Variants in GALNT14 observed in about 807,000 individuals in gnomAD.
The protein encoded by GALNT14 is UDP-GalNAc:polypeptide N-acetylgalactosaminyltransferase 14.
GALNT14 carries 60 observed loss-of-function variants against 77.5 expected under a neutral mutation model. That is an observed-to-expected ratio of 0.77 (90% CI 0.63 to 0.96). GALNT14 has a LOEUF of 0.96. GALNT14 is among the 40% of genes least tolerant of loss of function. GALNT14 has a pLI of 0.00. For missense variants in GALNT14, 710 were observed against 731.0 expected, an observed-to-expected ratio of 0.97 and a Z score of 0.33; for synonymous variants, 280 against 281.7, an observed-to-expected ratio of 0.99 and a Z score of 0.06.
At chr2:30,966,034 C>T (rs775072768) in intron 3 of GALNT14, among the ~76,000 whole-genome samples, 170 bp downstream of exon 3, 2 of 152,188 alleles carry the variant, frequency 1.3e-5, no homozygotes, top group Admixed American at 6.5e-5. Flanking sequence ...GCCTCCCTTA[C>T]AGGAATGTGA....
intron 1 of GALNT14, among the ~76,000 whole-genome samples, chr2:31,062,170 C>T (rs1322730811): frequency 6.6e-6 from 1 of 152,102 alleles, no homozygotes; most frequent in African/African-American, 2.4e-5. Context: ...AAGTTTTAAG[C>T]ACCGCATGCA....
At chr2:30,999,934 C>T (rs761763477) in intron 1 of GALNT14, among the ~76,000 whole-genome samples, 4 of 152,194 alleles carry the variant, frequency 2.6e-5, no homozygotes, top group Non-Finnish European at 5.9e-5. Flanking sequence ...TCCTTTCATG[C>T]TCCTCCCCAA....
At chr2:30,900,808 G>A in the GALNT14 span, among the ~76,000 whole-genome samples, 1 of 152,200 alleles carries the variant, frequency 6.6e-6, no homozygotes, top group Non-Finnish European at 1.5e-5. Context: ...ATATCGACGG[G>A]GCTGGGGCTT....
chr2:30,997,591 C>T (rs1470105130), intron 1 of GALNT14, among the ~76,000 whole-genome samples: 1 of 152,212 alleles, frequency 6.6e-6, no homozygotes, highest in East Asian at 1.9e-4. Flanking sequence ...CAAGCAAGCC[C>T]CCGCTTCACT....
chr2:31,130,781 T>TGCGC lies in GALNT14; in HGVS notation c.129+7176_129+7177insGCGC, dbSNP rs1353124199. On this transcript the variant is annotated intron_variant, in intron 1 of 14. Coordinates refer to ENST00000349752, the MANE Select transcript of GALNT14 (RefSeq NM_024572.4). ...GTGTGTGTGTGTGTGTGTGTGTGTG[T>TGCGC]GTGCGCGCGCACCTGTGTGTGTGCC... 3.5e-3 allele frequency among the ~76,000 whole-genome samples: 437 copies of TGCGC among 124,164 alleles called. 2 individuals are homozygous for TGCGC. The highest frequency in any genetic ancestry group is 0.015 in the African/African-American group (414 of 27,906). The allele number at this position is 124,164 out of a possible 152,430, so 81.5% of individuals were successfully genotyped here. A position where few individuals can be genotyped will look rare whatever the true frequency, so the allele number is the denominator to read the frequency against.
At chr2:31,032,531 T>C (rs1405503166) in intron 1 of GALNT14, among the ~76,000 whole-genome samples, 1 of 152,190 alleles carries the variant, frequency 6.6e-6, no homozygotes, top group Admixed American at 6.5e-5. Context: ...ACTGGTGTTT[T>C]CTGAGGTCAA....
intron 1 of GALNT14, among the ~76,000 whole-genome samples, chr2:31,096,934 C>T (rs1033395785): frequency 6.6e-6 from 1 of 152,114 alleles, no homozygotes; most frequent in African/African-American, 2.4e-5. Flanking sequence ...GATTCCCATC[C>T]TCTAATCGCG....
chr2:30,907,769 T>G (rs552939914), downstream of GALNT14, among the ~76,000 whole-genome samples: 5 of 148,870 alleles, frequency 3.4e-5, no homozygotes, highest in Admixed American at 2.0e-4. Flanking sequence ...AAAGAGAATT[T>G]TAGACCAATA....
chr2:31,024,000 C>T (rs1027173045), intron 1 of GALNT14, among the ~76,000 whole-genome samples: 2 of 152,128 alleles, frequency 1.3e-5, no homozygotes, highest in Non-Finnish European at 2.9e-5. Context: ...GAGTGTGTGG[C>T]CCCAACCCGG....
At chr2:31,090,955 A>G (rs949873670) in intron 1 of GALNT14, among the ~76,000 whole-genome samples, 1 of 152,210 alleles carries the variant, frequency 6.6e-6, no homozygotes, top group Non-Finnish European at 1.5e-5. Flanking sequence ...TAGAGGCTGT[A>G]TTACCTCCCT....
intron 1 of GALNT14, among the ~76,000 whole-genome samples, chr2:31,035,622 C>CAG (rs1558512413): frequency 8.3e-6 from 1 of 121,014 alleles, no homozygotes. Flanking sequence ...CACACCTACA[C>CAG]ACACACACAC....
At chr2:30,943,198 TCA>T (rs924993994) in intron 8 of GALNT14, among the ~76,000 whole-genome samples, 2 of 152,174 alleles carry the variant, frequency 1.3e-5, no homozygotes, top group Non-Finnish European at 1.5e-5. Flanking sequence ...CCTAGCAAAC[TCA>T]CACACCCTCA....
chr2:31,023,334 A>ATCTCACCTCC (rs1671844129), intron 1 of GALNT14, among the ~76,000 whole-genome samples: 1 of 151,586 alleles, frequency 6.6e-6, no homozygotes, highest in African/African-American at 2.4e-5. Flanking sequence ...TGTGATTTGG[A>ATCTCACCTCC]TCTCACCTCC....
At chr2:30,952,141 G>A (rs1273183185) in intron 6 of GALNT14, among the ~76,000 whole-genome samples, 3 of 152,036 alleles carry the variant, frequency 2.0e-5, no homozygotes, top group African/African-American at 7.2e-5. Context: ...AGGGAAAAAA[G>A]CAGAATACAA....
intron 1 of GALNT14, among the ~76,000 whole-genome samples, chr2:31,060,179 C>G (rs1042556252): frequency 3.9e-5 from 6 of 152,184 alleles, no homozygotes; most frequent in African/African-American, 1.4e-4. Flanking sequence ...GTACCCCAGC[C>G]AGGACCGGAA....
chr2:31,006,064 C>A (rs961300172), intron 1 of GALNT14, among the ~76,000 whole-genome samples: 1 of 152,114 alleles, frequency 6.6e-6, no homozygotes, highest in Admixed American at 6.5e-5. Context: ...ACTTCTGGTC[C>A]CTTCTCCTCG....
intron 1 of GALNT14, among the ~76,000 whole-genome samples, chr2:31,060,749 CA>C (rs1449034586): frequency 6.6e-6 from 1 of 152,130 alleles, no homozygotes; most frequent in African/African-American, 2.4e-5. Flanking sequence ...CACCTCTCTC[CA>C]AGGGAAGCCA....
At chr2:30,965,066 G>A (rs1017303662) in intron 3 of GALNT14, among the ~76,000 whole-genome samples, 3 of 152,128 alleles carry the variant, frequency 2.0e-5, no homozygotes, top group African/African-American at 7.2e-5. Flanking sequence ...ATGGGGACAT[G>A]GAGGTACTGG....
At chr2:31,056,042 GA>G (rs1674188762) in intron 1 of GALNT14, among the ~76,000 whole-genome samples, 2 of 152,194 alleles carry the variant, frequency 1.3e-5, no homozygotes, top group Non-Finnish European at 2.9e-5. Flanking sequence ...GGGGCACAGG[GA>G]ATCTACAGCA....
Sources: gnomAD v4.1 joint callset for allele counts (sites outside exome capture counted in the v4.1 genomes callset) on GRCh38, gnomAD v4.1.1 for gene constraint, MANE v1.5 for transcripts, NCBI Gene and HGNC (gene_info 2026-07-23, HGNC 2026-07-21) for gene names.